Variants in HADHB observed in about 807,000 individuals in gnomAD.
HADHB encodes the protein trifunctional enzyme subunit beta, mitochondrial.
In HADHB, 50 loss-of-function variants were observed where a neutral mutation model predicts 61.9. That is an observed-to-expected ratio of 0.81 (90% confidence interval 0.64 to 1.02). The LOEUF (loss-of-function observed/expected upper bound fraction) is 1.02, where lower values mean the gene tolerates loss of function less well. HADHB is among the 50% of genes least tolerant of loss of function. The pLI, the probability that HADHB is intolerant of heterozygous loss-of-function variation, is 0.00. For missense variants in HADHB, 504 were observed against 586.5 expected, an observed-to-expected ratio of 0.86 and a Z score of 1.45; for synonymous variants, 191 against 201.6, an observed-to-expected ratio of 0.95 and a Z score of 0.45.
At position 26,288,717 on chromosome 2, in the gene HADHB, CAG is replaced by C. The variant is rs1348729665; in HGVS notation, c.1390-1199_1390-1198del. 4.0e-5 allele frequency among the ~76,000 whole-genome samples: 6 copies of C among 151,286 alleles called. No homozygotes were observed. The East Asian group carries it at 5.8e-4, about 15-fold the overall frequency. ...GAGGGAGGCCCTGTTTCAAAAAAAA[CAG>C]AAAAACCAAGTACTTAACAGTTTGT... On this transcript the variant is annotated intron_variant, in intron 15 of 15. Coordinates refer to ENST00000317799, the MANE Select transcript of HADHB (RefSeq NM_000183.3).
chr2:26,282,784 G>A, intron 10 of HADHB, 61 bp from the exon 11 acceptor site: 2 of 1,136,888 alleles, frequency 1.8e-6, no homozygotes, highest in African/African-American at 1.5e-5. Flanking sequence ...ATATAAGATG[G>A]CTGGAGAAAG....
intron 4 of HADHB, among the ~76,000 whole-genome samples, chr2:26,269,010 G>A (rs775950996): frequency 6.6e-6 from 1 of 152,040 alleles, no homozygotes; most frequent in African/African-American, 2.4e-5. Flanking sequence ...TCAGCTGGGC[G>A]TGGTGGTGGG....
At chr2:26,258,452 G>A (rs1671721779) in intron 3 of HADHB, among the ~76,000 whole-genome samples, 1 of 152,186 alleles carries the variant, frequency 6.6e-6, no homozygotes, top group Non-Finnish European at 1.5e-5. Context: ...CTGGGCACTT[G>A]GCCGCACAGA....
chr2:26,285,674 G>T, intron 15 of HADHB, 103 bp downstream of exon 15: 1 of 767,196 alleles, frequency 1.3e-6, no homozygotes, highest in Non-Finnish European at 2.1e-6. Context: ...TATTTTTGAT[G>T]ACCTGGGGGT....
intron 10 of HADHB, among the ~76,000 whole-genome samples, chr2:26,281,603 C>CA (rs1225135766): frequency 6.6e-6 from 1 of 152,184 alleles, no homozygotes; most frequent in Non-Finnish European, 1.5e-5. Flanking sequence ...TAGTGAGAAT[C>CA]AGAGACACAA....
intron 1 of HADHB, among the ~76,000 whole-genome samples, chr2:26,246,953 C>T (rs577174326): frequency 5.9e-5 from 9 of 152,078 alleles, no homozygotes; most frequent in Non-Finnish European, 1.2e-4. Flanking sequence ...GGTGTGCGTG[C>T]GTGTGTGTGT....
At chr2:26,271,918 A>T (rs114864296) in intron 5 of HADHB, among the ~76,000 whole-genome samples, 4,387 of 152,226 alleles carry the variant, frequency 0.029, 160 homozygotes, top group African/African-American at 0.068. Flanking sequence ...AATTTTTTTT[A>T]AATTTTTAAT....
intron 15 of HADHB, among the ~76,000 whole-genome samples, chr2:26,287,072 T>C (rs1323215470): frequency 6.6e-6 from 1 of 151,744 alleles, no homozygotes; most frequent in Admixed American, 6.6e-5. Flanking sequence ...AGTGTGGTGG[T>C]GTGCGCCTGT....
chr2:26,264,519 A>C (rs1671988290), intron 4 of HADHB, among the ~76,000 whole-genome samples: 1 of 129,874 alleles, frequency 7.7e-6, no homozygotes, highest in Non-Finnish European at 1.6e-5. Flanking sequence ...TACTACCTAT[A>C]CTCCAGCCTG....
At chr2:26,287,193 ACT>A (rs1673071436) in intron 15 of HADHB, among the ~76,000 whole-genome samples, 2 of 151,950 alleles carry the variant, frequency 1.3e-5, no homozygotes, top group Non-Finnish European at 1.5e-5. Flanking sequence ...ACAGAGAGAG[ACT>A]CTGTCTCAAA....
intron 3 of HADHB, among the ~76,000 whole-genome samples, chr2:26,257,538 T>C (rs1671678130): frequency 6.6e-6 from 1 of 152,096 alleles, no homozygotes; most frequent in African/African-American, 2.4e-5. Context: ...GTCTCCTCTG[T>C]GGCACCTTTA....
intron 15 of HADHB, among the ~76,000 whole-genome samples, chr2:26,287,533 T>C (rs1228925939): frequency 1.3e-5 from 2 of 152,218 alleles, no homozygotes; most frequent in Non-Finnish European, 2.9e-5. Flanking sequence ...ATGTAGAGTA[T>C]AAATAACACA....
chr2:26,277,993 T>A (rs1426070398), intron 7 of HADHB, among the ~76,000 whole-genome samples: 1 of 152,216 alleles, frequency 6.6e-6, no homozygotes, highest in Non-Finnish European at 1.5e-5. Context: ...TGTGGGATAT[T>A]TTGTAGCATC....
In HADHB at chr2:26,269,249, T is replaced by C. The variant is rs113850599; in HGVS notation, c.210-704T>C. Among the ~76,000 whole-genome samples, 954 of 152,300 alleles carry C rather than the reference T, an allele frequency of 6.3e-3. 8 individuals carry two copies. Among genetic ancestry groups the C allele is most frequent in the African/African-American group, 0.022 (894 of 41,560 alleles). ...CAGGGTCTTGCTCTGCTGCCCAGACTGGAGTGCAGTGGTGTGATCCTAGCA... is the reference window on the plus strand; with the variant it reads ...CAGGGTCTTGCTCTGCTGCCCAGACCGGAGTGCAGTGGTGTGATCCTAGCA... On this transcript the variant is annotated intron_variant, in intron 4 of 15. Transcript: ENST00000317799.
intron 1 of HADHB, among the ~76,000 whole-genome samples, chr2:26,253,919 C>T (rs1331417340): frequency 6.7e-6 from 1 of 149,124 alleles, no homozygotes; most frequent in Non-Finnish European, 1.5e-5. Flanking sequence ...CCAGCTCTGC[C>T]ACTCACTAGT....
chr2:26,257,597 G>A (rs1671681884), intron 3 of HADHB, among the ~76,000 whole-genome samples: 1 of 152,116 alleles, frequency 6.6e-6, no homozygotes, highest in Admixed American at 6.5e-5. Flanking sequence ...GGTAGGTGAT[G>A]GTTCCTCTTC....
chr2:26,264,492 G>A (rs772026121), intron 4 of HADHB, among the ~76,000 whole-genome samples: 1 of 145,828 alleles, frequency 6.9e-6, no homozygotes, highest in Non-Finnish European at 1.5e-5. Context: ...CAAGGCTGCA[G>A]TGAGCCGTGA....
In HADHB at chr2:26,290,184, G is replaced by A. The variant is rs1206363254; in HGVS notation, c.*231G>A. ...AAGCCACCAGAATCTCACATGAGAT[G>A]TGTGGGTGGTTGTTTTTGGTCTCTG... On this transcript the variant is annotated 3_prime_UTR_variant, in exon 16 of 16. Coordinates refer to ENST00000317799, the MANE Select transcript of HADHB (RefSeq NM_000183.3). 1.2e-5 allele frequency: 7 copies of A among 568,380 alleles called. No individual in the cohort carries two copies. The East Asian group carries it at 2.1e-4, about 17-fold the overall frequency. 35.2% of individuals were successfully genotyped at this position (568,380 alleles called of 1,614,324 possible).
intron 15 of HADHB, among the ~76,000 whole-genome samples, chr2:26,287,266 G>A (rs1338441908): frequency 6.6e-6 from 1 of 152,158 alleles, no homozygotes; most frequent in African/African-American, 2.4e-5. Context: ...TTTCCTCAGA[G>A]ACTTTGCAGA....
Sources: gnomAD v4.1 joint callset for allele counts (sites outside exome capture counted in the v4.1 genomes callset) on GRCh38, gnomAD v4.1.1 for gene constraint, MANE v1.5 for transcripts, NCBI Gene and HGNC (gene_info 2026-07-23, HGNC 2026-07-21) for gene names.